CACNA2D3: variants seen among roughly 807,000 people sequenced by gnomAD.
CACNA2D3 encodes the protein voltage-dependent calcium channel subunit alpha-2/delta-3.
Under a neutral mutation model 160.6 loss-of-function variants are expected in CACNA2D3, and 60 were observed. The observed-to-expected ratio is 0.37, with a 90% CI of 0.30 to 0.46. The LOEUF (loss-of-function observed/expected upper bound fraction) is 0.46. CACNA2D3 is among the 20% of genes least tolerant of loss of function. CACNA2D3 has a pLI of 1.00. For missense variants in CACNA2D3, 1,205 were observed against 1,365.0 expected, an observed-to-expected ratio of 0.88 and a Z score of 1.85; for synonymous variants, 558 against 492.9, an observed-to-expected ratio of 1.13 and a Z score of -1.75.
chr3:55,020,435 A>G (rs1703421609), intron 35 of CACNA2D3, among the ~76,000 whole-genome samples: 1 of 149,420 alleles, frequency 6.7e-6, no homozygotes. Context: ...ATAATCTAGT[A>G]TATATTACAT....
rs559810710 is a variant in CACNA2D3 at position 54,412,339 on chromosome 3, GTCT to G, written c.381+25568_381+25570del. On this transcript the variant is annotated intron_variant, in intron 4 of 37. Transcript: ENST00000474759. ...TGCTCCTTTAACCTGTGGTATTAAAGTCTTCAAATATGATTGTGGATTTGTTTA... is the reference window on the plus strand; with the variant it reads ...TGCTCCTTTAACCTGTGGTATTAAAGTCAAATATGATTGTGGATTTGTTTA... Among the ~76,000 whole-genome samples, 371 of 152,034 alleles carry G rather than the reference GTCT, an allele frequency of 2.4e-3. 3 individuals are homozygous for G. The highest frequency in any genetic ancestry group is 8.7e-3 in the African/African-American group (362 of 41,508).
rs184164111 is a variant in CACNA2D3, at chr3:54,816,855, C to T, written c.1383C>T (p.Leu461=). ...VWTEAYIDST[L]PQAQKLTDDQ... ...TTTGTTTTGTTTTCCCCCTTCAGCTCCCTCAGGCACAAAAGGTAAATTCTC... is the reference window on the plus strand; with the variant it reads ...TTTGTTTTGTTTTCCCCCTTCAGCTTCCTCAGGCACAAAAGGTAAATTCTC... Residue 461 remains leucine, a splice_region_variant and synonymous_variant, in exon 14 of 38, where the codon CTC becomes CTT. Coordinates refer to ENST00000474759, the MANE Select transcript of CACNA2D3 (RefSeq NM_018398.3). The T allele has an allele frequency of 4.3e-6, 7 of 1,613,606 alleles. No individual in the cohort carries two copies. Among genetic ancestry groups the T allele is most frequent in the Non-Finnish European group, 5.9e-6 (7 of 1,179,856 alleles).
chr3:55,050,291 C>T (rs1704170157), intron 35 of CACNA2D3, among the ~76,000 whole-genome samples: 1 of 151,768 alleles, frequency 6.6e-6, no homozygotes, highest in East Asian at 1.9e-4. Flanking sequence ...TCTTGTAAGG[C>T]AGGCCTGGTG....
At chr3:54,488,575 T>A (rs1701055202) in intron 4 of CACNA2D3, among the ~76,000 whole-genome samples, 1 of 152,112 alleles carries the variant, frequency 6.6e-6, no homozygotes, top group South Asian at 2.1e-4. Flanking sequence ...TGGCCCACTA[T>A]TGGCTGCCCT....
chr3:54,123,425 C>A, intron 1 of CACNA2D3, 88 bp from the exon 2 acceptor site: 1 of 889,548 alleles, frequency 1.1e-6, no homozygotes, highest in Non-Finnish European at 1.9e-6. Context: ...GCTCCTTCAG[C>A]CATAGTCCCA....
chr3:54,280,025 C>T (rs1702834761), intron 2 of CACNA2D3, among the ~76,000 whole-genome samples: 1 of 152,152 alleles, frequency 6.6e-6, no homozygotes, highest in African/African-American at 2.4e-5. Context: ...TACAACTAAG[C>T]ATAAGTGAAA....
intron 11 of CACNA2D3, among the ~76,000 whole-genome samples, chr3:54,658,828 G>C (rs910371704): frequency 1.3e-5 from 2 of 152,036 alleles, no homozygotes; most frequent in Non-Finnish European, 2.9e-5. Flanking sequence ...CAATGTCTTG[G>C]TGGGAGTCAG....
chr3:54,345,496 T>G (rs1698439494), intron 3 of CACNA2D3, among the ~76,000 whole-genome samples: 1 of 152,230 alleles, frequency 6.6e-6, no homozygotes, highest in Non-Finnish European at 1.5e-5. Flanking sequence ...CCAAATGGCC[T>G]TGCTCAGTTC....
intron 16 of CACNA2D3, among the ~76,000 whole-genome samples, chr3:54,839,711 A>G (rs1329399278): frequency 6.6e-6 from 1 of 152,090 alleles, no homozygotes; most frequent in Non-Finnish European, 1.5e-5. Context: ...GATTCACCAC[A>G]GCTGTGAGGG....
At chr3:55,021,657 ATGTG>A (rs201292219) in intron 35 of CACNA2D3, among the ~76,000 whole-genome samples, 3 of 69,228 alleles carry the variant, frequency 4.3e-5, no homozygotes, top group South Asian at 4.2e-4. Flanking sequence ...GTATATATAT[ATGTG>A]TGTGTATATA....
At chr3:54,684,887 A>G (rs1022555714) in intron 11 of CACNA2D3, among the ~76,000 whole-genome samples, 1 of 152,102 alleles carries the variant, frequency 6.6e-6, no homozygotes, top group Non-Finnish European at 1.5e-5. Context: ...AGGGTCTACA[A>G]AGTCGCCTCC....
chr3:54,187,100 G>A (rs1485542916), intron 2 of CACNA2D3, among the ~76,000 whole-genome samples: 3 of 152,150 alleles, frequency 2.0e-5, no homozygotes, highest in South Asian at 2.1e-4. Context: ...GCTGTAGGAC[G>A]CGGTGACTTT....
At chr3:54,704,521 C>G (rs556635662) in intron 11 of CACNA2D3, among the ~76,000 whole-genome samples, 2 of 152,178 alleles carry the variant, frequency 1.3e-5, no homozygotes, top group African/African-American at 2.4e-5. Flanking sequence ...GCTCAGGGAT[C>G]TCTGTGAGCT....
At chr3:54,165,752 C>T (rs1185084654) in intron 2 of CACNA2D3, among the ~76,000 whole-genome samples, 2 of 152,036 alleles carry the variant, frequency 1.3e-5, no homozygotes, top group Non-Finnish European at 2.9e-5. Context: ...GAGCCATGCG[C>T]ATGCTACTGC....
chr3:54,831,044 A>C (rs941615505), intron 14 of CACNA2D3, among the ~76,000 whole-genome samples: 2 of 152,038 alleles, frequency 1.3e-5, no homozygotes, highest in Non-Finnish European at 1.5e-5. Flanking sequence ...ATGTTGATCA[A>C]TGTTAATAAT....
At chr3:54,932,388 G>C (rs1701211704) in intron 27 of CACNA2D3, among the ~76,000 whole-genome samples, 1 of 152,044 alleles carries the variant, frequency 6.6e-6, no homozygotes, top group African/African-American at 2.4e-5. Context: ...AAGTGGGAAA[G>C]GTCAGTCACC....
chr3:54,628,161 G>A (rs1699162883), intron 10 of CACNA2D3, among the ~76,000 whole-genome samples: 1 of 152,174 alleles, frequency 6.6e-6, no homozygotes, highest in Non-Finnish European at 1.5e-5. Flanking sequence ...TAACCCGGGA[G>A]GTGGAGCTTG....
chr3:54,518,781 C>T (rs372926933), intron 5 of CACNA2D3, among the ~76,000 whole-genome samples: 4 of 152,208 alleles, frequency 2.6e-5, no homozygotes, highest in African/African-American at 9.6e-5. Context: ...CCAGATGTCA[C>T]TTGAGTTAAT....
Position 54,169,671 on chromosome 3 carries a change from TTGTA to T in CACNA2D3, c.204+46081_204+46084del, listed in dbSNP as rs1230352960. 2.7e-5 allele frequency among the ~76,000 whole-genome samples: 4 copies of T among 148,616 alleles called. No individual in the cohort carries two copies. The South Asian group carries it at 6.5e-4, about 24-fold the overall frequency. On this transcript the variant is annotated intron_variant, in intron 2 of 37. Coordinates refer to ENST00000474759, the MANE Select transcript of CACNA2D3 (RefSeq NM_018398.3). ...AACGTGCATGTGTGTGCGTGCGTGC[TTGTA>T]TGTGTGTGTATGTGTGTGCATGTGT...
Sources: allele counts gnomAD v4.1 joint callset (sites outside exome capture counted in the v4.1 genomes callset), GRCh38; gene constraint gnomAD v4.1.1; transcripts MANE v1.5; gene names NCBI Gene and HGNC (gene_info 2026-07-23, HGNC 2026-07-21).